NRG1: variants seen among roughly 807,000 people sequenced by gnomAD.
The protein encoded by NRG1 is pro-neuregulin-1, membrane-bound isoform.
NRG1 carries 18 observed loss-of-function variants against 63.8 expected under a neutral mutation model. The observed-to-expected ratio is 0.28, with a 90% confidence interval of 0.19 to 0.42. The LOEUF is 0.42. Among genes scored for constraint, NRG1 ranks in the 10% least tolerant of loss-of-function variants. The pLI is 1.00. For missense variants in NRG1, 762 were observed against 814.7 expected, an observed-to-expected ratio of 0.94 and a Z score of 0.79; for synonymous variants, 302 against 301.3, an observed-to-expected ratio of 1.00 and a Z score of -0.02.
chr8:32,547,570 T>C (rs1833202083), upstream of NRG1, among the ~76,000 whole-genome samples: 1 of 150,678 alleles, frequency 6.6e-6, no homozygotes, highest in Admixed American at 6.6e-5. Flanking sequence ...AAGCTGAAGA[T>C]TTCTAACAGG....
At chr8:31,830,341 C>T (rs1022091593) in intron 1 of NRG1, among the ~76,000 whole-genome samples, 1 of 121,684 alleles carries the variant, frequency 8.2e-6, no homozygotes, top group Non-Finnish European at 1.7e-5. Context: ...TTCCTTCCTT[C>T]CTTCCTTCCT....
downstream of NRG1, among the ~76,000 whole-genome samples, chr8:32,771,715 A>AAAATATATATATAT (rs1343943621): frequency 8.9e-6 from 1 of 111,848 alleles, no homozygotes; most frequent in African/African-American, 3.5e-5. Flanking sequence ...TTAAAAAAAA[A>AAAATATATATATAT]ATATATATAT....
intron 1 of NRG1, among the ~76,000 whole-genome samples, chr8:32,291,533 C>CTTTTTTTTTTT (rs757839225): frequency 1.0e-5 from 1 of 98,038 alleles, no homozygotes; most frequent in African/African-American, 4.0e-5. Flanking sequence ...TTTTTATCCA[C>CTTTTTTTTTTT]TTTTTTTTTT....
exon 11 of NRG1, chr8:32,760,364 G>C (rs1463918571): frequency 1.2e-6 from 2 of 1,614,010 alleles, no homozygotes; most frequent in Non-Finnish European, 1.7e-6. Context: ...AGGCATGCCA[G>C]AGAAACCCCT....
intron 1 of NRG1, among the ~76,000 whole-genome samples, chr8:32,401,549 T>C (rs936667634): frequency 3.9e-5 from 6 of 152,018 alleles, no homozygotes; most frequent in African/African-American, 1.5e-4. Flanking sequence ...TGAAATAGGC[T>C]GAATTTAGCT....
At chr8:31,874,337 TA>T (rs542365082) in intron 1 of NRG1, among the ~76,000 whole-genome samples, 183 of 152,324 alleles carry the variant, frequency 1.2e-3, no homozygotes, top group Non-Finnish European at 2.5e-3. Context: ...ATGGATGAAA[TA>T]AAGTTTTATA....
intron 1 of NRG1, among the ~76,000 whole-genome samples, chr8:32,387,205 T>C (rs566967077): frequency 3.7e-4 from 56 of 152,286 alleles, no homozygotes; most frequent in Non-Finnish European, 6.3e-4. Context: ...GCAAGACACA[T>C]TTCTTATTCT....
intron 1 of NRG1, among the ~76,000 whole-genome samples, chr8:32,149,504 C>T (rs1380580449): frequency 8.1e-6 from 1 of 123,300 alleles, no homozygotes; most frequent in Non-Finnish European, 1.9e-5. Flanking sequence ...GTCCACTGCA[C>T]TGAACAAATC....
At chr8:31,903,494 CAA>C (rs931686800) in intron 1 of NRG1, among the ~76,000 whole-genome samples, 4 of 152,012 alleles carry the variant, frequency 2.6e-5, no homozygotes, top group African/African-American at 7.2e-5. Flanking sequence ...AACATCATGG[CAA>C]AGAGTCTAAC....
chr8:31,682,616 CGT>C (rs1355848498), intron 1 of NRG1, among the ~76,000 whole-genome samples: 2 of 151,932 alleles, frequency 1.3e-5, no homozygotes, highest in African/African-American at 4.8e-5. Flanking sequence ...TCCAACTTTC[CGT>C]GTGCCTATAA....
At chr8:32,267,607 C>A (rs1851113364) in intron 1 of NRG1, among the ~76,000 whole-genome samples, 1 of 152,160 alleles carries the variant, frequency 6.6e-6, no homozygotes, top group East Asian at 1.9e-4. Context: ...ACAGTCATTA[C>A]CATGAGCAGT....
chr8:32,117,498 T>C (rs1440846971), intron 1 of NRG1, among the ~76,000 whole-genome samples: 2 of 152,084 alleles, frequency 1.3e-5, no homozygotes, highest in Non-Finnish European at 2.9e-5. Flanking sequence ...AGGGTAGCCA[T>C]GACTTGAACC....
At chr8:32,535,054 A>G (rs1831820864) in intron 1 of NRG1, among the ~76,000 whole-genome samples, 1 of 152,206 alleles carries the variant, frequency 6.6e-6, no homozygotes, top group Non-Finnish European at 1.5e-5. Flanking sequence ...CATATGGTAA[A>G]TATTGATGAA....
At chr8:32,648,239 G>A (rs1183763274) in intron 5 of NRG1, 18 of 1,613,934 alleles carry the variant, frequency 1.1e-5, no homozygotes, top group Non-Finnish European at 1.5e-5. Flanking sequence ...CACCGACACC[G>A]AAGAATCGTA....
chr8:32,351,747 A>C (rs1379349977), intron 1 of NRG1, among the ~76,000 whole-genome samples: 2 of 152,192 alleles, frequency 1.3e-5, no homozygotes, highest in Non-Finnish European at 2.9e-5. Flanking sequence ...CTGACAATGG[A>C]CTAGTACCTC....
chr8:32,264,968 T>C (rs1850766082), intron 1 of NRG1, among the ~76,000 whole-genome samples: 1 of 152,184 alleles, frequency 6.6e-6, no homozygotes, highest in Non-Finnish European at 1.5e-5. Flanking sequence ...ACAAACCCAC[T>C]TGCTGATAGA....
intron 1 of NRG1, among the ~76,000 whole-genome samples, chr8:32,506,140 C>T (rs1248057640): frequency 6.6e-6 from 1 of 152,070 alleles, no homozygotes; most frequent in Non-Finnish European, 1.5e-5. Context: ...GTCTCAGCTA[C>T]ATGAAGGCTG....
chr8:32,760,396 C>T (rs1362432403), exon 11 of NRG1: 2 of 1,613,630 alleles, frequency 1.2e-6, no homozygotes, highest in Non-Finnish European at 8.5e-7. Flanking sequence ...AGACTCTCCT[C>T]ATAGTGAAAG....
intron 1 of NRG1, among the ~76,000 whole-genome samples, chr8:31,875,429 C>T (rs904664748): frequency 7.2e-5 from 11 of 152,280 alleles, no homozygotes; most frequent in Middle Eastern, 3.4e-3. Flanking sequence ...CTTTAGATCA[C>T]GAACAGCACT....
Sources: allele counts gnomAD v4.1 joint callset (sites outside exome capture counted in the v4.1 genomes callset), GRCh38; gene constraint gnomAD v4.1.1; transcripts MANE v1.5; gene names NCBI Gene and HGNC (gene_info 2026-07-23, HGNC 2026-07-21).